ENAH: variants seen among roughly 807,000 people sequenced by gnomAD.
The protein encoded by ENAH is protein enabled homolog.
ENAH carries 23 observed loss-of-function variants against 78.7 expected under a neutral mutation model. The observed-to-expected ratio is 0.29, with a 90% CI of 0.21 to 0.41. The LOEUF (loss-of-function observed/expected upper bound fraction) is 0.41, where lower values mean the gene tolerates loss of function less well. Ranked by LOEUF, ENAH falls within the 10% of genes least tolerant of loss-of-function variation. The pLI, the probability that ENAH is intolerant of heterozygous loss-of-function variation, is 1.00. For missense variants in ENAH, 544 were observed against 691.0 expected (o/e 0.79, Z 2.39); for synonymous variants, 226 against 241.0 (o/e 0.94, Z 0.58).
chr1:225,561,223 C>A (rs971697937), intron 2 of ENAH, among the ~76,000 whole-genome samples: 1 of 150,910 alleles, frequency 6.6e-6, no homozygotes, highest in Non-Finnish European at 1.5e-5. Flanking sequence ...CAGTGAGACT[C>A]CGTCTCAAAA....
rs1340868 is a variant in ENAH, at chr1:225,519,241, C to T, written c.759G>A (p.Arg253=). The T allele has an allele frequency of 0.053, 86,140 of 1,614,186 alleles. 2,841 individuals carry two copies. Among genetic ancestry groups the T allele is most frequent in the South Asian group, 0.1 (9,232 of 91,078 alleles). ...QERERQEQLE[R]EQLEWERERR... ...GCTCTCTCTCCCATTCCAGCTGTTC[C>T]CTTTCTAACTGCTCTTGTCGCTCCC... Residue 253 remains arginine (R), a synonymous_variant, in exon 5 of 14, where the codon AGG becomes AGA. Coordinates refer to ENST00000366843, the MANE Select transcript of ENAH (RefSeq NM_018212.6).
At chr1:225,580,151 A>T (rs1428651546) in intron 1 of ENAH, 1 of 152,080 alleles carries the variant, frequency 6.6e-6, no homozygotes, top group African/African-American at 2.4e-5. Flanking sequence ...CCTAGTATTC[A>T]TGCCCAGAGA....
chr1:225,507,484 T>C (rs76438187), intron 11 of ENAH, among the ~76,000 whole-genome samples: 6,534 of 152,126 alleles, frequency 0.043, 229 homozygotes, highest in South Asian at 0.11. Flanking sequence ...ATGTCCTGGT[T>C]CTTCCAAAAA....
chr1:225,627,372 G>T (rs1658141866), intron 1 of ENAH, among the ~76,000 whole-genome samples: 1 of 152,196 alleles, frequency 6.6e-6, no homozygotes, highest in Admixed American at 6.5e-5. Context: ...CAGCACACAG[G>T]TTGTAAAGCC....
chr1:225,619,229 A>AAACT (rs1656358643), intron 1 of ENAH, among the ~76,000 whole-genome samples: 1 of 152,140 alleles, frequency 6.6e-6, no homozygotes, highest in African/African-American at 2.4e-5. Context: ...ACAGTTAGAA[A>AAACT]AACTAACCTA....
intron 3 of ENAH, among the ~76,000 whole-genome samples, chr1:225,540,874 T>A (rs2096585532): frequency 6.6e-6 from 1 of 152,184 alleles, no homozygotes; most frequent in Admixed American, 6.5e-5. Context: ...AATACATGTT[T>A]TTTAACTAAG....
At position 225,560,973 on chromosome 1, in the gene ENAH, T is replaced by C. The variant is rs187653167; in HGVS notation, c.172-5890A>G. On this transcript the variant is annotated intron_variant, in intron 2 of 13. Transcript: ENST00000366843. ...ATCTGGGGTTGGGCACAGTGGCTCATGCCTGTAATCCCAGCACTTTGGGAG... is the reference window on the plus strand; with the variant it reads ...ATCTGGGGTTGGGCACAGTGGCTCACGCCTGTAATCCCAGCACTTTGGGAG... Among the ~76,000 whole-genome samples, 247 of 152,334 alleles carry C rather than the reference T, an allele frequency of 1.6e-3. 2 individuals carry two copies. The highest frequency in any genetic ancestry group is 5.5e-3 in the African/African-American group (227 of 41,578).
chr1:225,639,535 G>A (rs1660642813), intron 1 of ENAH, among the ~76,000 whole-genome samples: 1 of 152,036 alleles, frequency 6.6e-6, no homozygotes, highest in South Asian at 2.1e-4. Flanking sequence ...CTTGCTCTGA[G>A]ATGCCTTCCA....
chr1:225,569,051 T>TTTA (rs2096748108), intron 1 of ENAH, among the ~76,000 whole-genome samples: 1 of 152,200 alleles, frequency 6.6e-6, no homozygotes, highest in Non-Finnish European at 1.5e-5. Context: ...AAAGGGCATG[T>TTTA]GTCAGTAGCA....
intron 10 of ENAH, among the ~76,000 whole-genome samples, chr1:225,510,461 C>T (rs1305118146): frequency 1.5e-4 from 23 of 152,012 alleles, no homozygotes; most frequent in Admixed American, 1.5e-3. Flanking sequence ...AGAGTACATA[C>T]AATTAATTTT....
chr1:225,583,157 C>T (rs1217407187), intron 1 of ENAH, among the ~76,000 whole-genome samples: 1 of 152,082 alleles, frequency 6.6e-6, no homozygotes, highest in Non-Finnish European at 1.5e-5. Context: ...AAAAAAGAGG[C>T]CAGGCGAGGT....
intron 1 of ENAH, among the ~76,000 whole-genome samples, chr1:225,638,926 T>C (rs1208388714): frequency 6.6e-6 from 1 of 152,160 alleles, no homozygotes; most frequent in Non-Finnish European, 1.5e-5. Flanking sequence ...CACAAAAATA[T>C]CCGCTAATGA....
intron 3 of ENAH, among the ~76,000 whole-genome samples, chr1:225,553,430 A>G (rs2151417917): frequency 6.6e-6 from 1 of 152,334 alleles, no homozygotes; most frequent in East Asian, 1.9e-4. Flanking sequence ...TTTAGTTTCT[A>G]ATATCAACGG....
intron 1 of ENAH, among the ~76,000 whole-genome samples, chr1:225,651,699 C>A (rs1006196208): frequency 1.3e-5 from 2 of 152,244 alleles, no homozygotes; most frequent in East Asian, 1.9e-4. Context: ...AATGGATCAG[C>A]CTTCAGTCTA....
chr1:225,514,445 G>A, intron 7 of ENAH, 151 bp downstream of exon 7: 1 of 735,282 alleles, frequency 1.4e-6, no homozygotes, highest in Non-Finnish European at 2.3e-6. Context: ...GATTATACAG[G>A]TATGAGCCAT....
intron 3 of ENAH, among the ~76,000 whole-genome samples, chr1:225,545,419 T>C (rs1346661369): frequency 6.6e-6 from 1 of 152,222 alleles, no homozygotes; most frequent in Non-Finnish European, 1.5e-5. Flanking sequence ...CTTTTGCTTA[T>C]GTGGGTTACA....
At chr1:225,572,741 C>T (rs183760212) in intron 1 of ENAH, among the ~76,000 whole-genome samples, 123 of 152,272 alleles carry the variant, frequency 8.1e-4, no homozygotes, top group Non-Finnish European at 1.5e-3. Context: ...GAAGCGACTA[C>T]GCAAAAGATT....
intron 4 of ENAH, among the ~76,000 whole-genome samples, chr1:225,526,386 T>A (rs1004057044): frequency 2.0e-5 from 3 of 151,844 alleles, no homozygotes; most frequent in Admixed American, 1.3e-4. Context: ...GTCGCCAGGC[T>A]GGGGTGCAAT....
At chr1:225,622,119 T>C (rs539627819) in intron 1 of ENAH, among the ~76,000 whole-genome samples, 49 of 152,214 alleles carry the variant, frequency 3.2e-4, no homozygotes, top group Non-Finnish European at 6.0e-4. Context: ...TGGAAAAGTG[T>C]CCATGGTTAT....
Sources: allele counts gnomAD v4.1 joint callset (sites outside exome capture counted in the v4.1 genomes callset), GRCh38; gene constraint gnomAD v4.1.1; transcripts MANE v1.5; gene names NCBI Gene and HGNC (gene_info 2026-07-23, HGNC 2026-07-21).